The following MATR3 variants were observed in gnomAD, a reference collection of about 807,000 sequenced individuals.
The protein encoded by MATR3 is matrin-3.
A neutral mutation model predicts 85.5 loss-of-function variants in MATR3; 4 were observed. That is an observed-to-expected ratio of 0.05 (90% CI 0.02 to 0.11). The LOEUF (loss-of-function observed/expected upper bound fraction) is 0.11, where lower values mean the gene tolerates loss of function less well. Ranked by LOEUF, MATR3 falls within the 10% of genes least tolerant of loss-of-function variation. The pLI is 1.00. For missense variants in MATR3, 685 were observed against 1,016.1 expected (o/e 0.67, Z 4.43); for synonymous variants, 336 against 343.1 (o/e 0.98, Z 0.23).
At chr5:139,288,010 A>AAACC (rs1753758760) in intron 3 of MATR3, among the ~76,000 whole-genome samples, 1 of 152,170 alleles carries the variant, frequency 6.6e-6, no homozygotes, top group South Asian at 2.1e-4. Context: ...CAGGAGTTCG[A>AAACC]CACCAGCCTA....
At chr5:139,284,566 C>G (rs923408963) in intron 3 of MATR3, among the ~76,000 whole-genome samples, 2 of 151,834 alleles carry the variant, frequency 1.3e-5, no homozygotes, top group African/African-American at 4.8e-5. Flanking sequence ...TGAGATCGTG[C>G]CACTGCACTC....
rs1561933164 is a variant in MATR3 at position 139,307,654 on chromosome 5, C to G, written c.239C>G (p.Ser80Cys). 1.9e-6 allele frequency: 3 copies of G among 1,614,148 alleles called. No individual in the cohort carries two copies. In the South Asian group the frequency reaches 3.3e-5, roughly 18 times the overall value. Residue 80 changes from serine (S) to cysteine (C), a missense_variant, in exon 2 of 15, where the codon TCC (serine) becomes TGC (cysteine). This residue lies in a region of MATR3 where 57 missense variants were observed against 68.6 expected (regional missense o/e 0.83). Transcript: ENST00000394805. This position sits in a 1 kb window ranked among gnomAD's most constrained non-coding sequence, Gnocchi z 4.4. ...GCACTGTCTTCTGCTAGTACTTCTT[C>G]CCATAATTTGCAGTCTATATTTAAC... ...HSALSSASTS[S>C]HNLQSIFNIG...
At chr5:139,303,686 A>G (rs529764022) in intron 1 of MATR3, among the ~76,000 whole-genome samples, 6 of 151,776 alleles carry the variant, frequency 4.0e-5, no homozygotes, top group South Asian at 2.1e-4. Flanking sequence ...AGCCTGGGCA[A>G]TGCACTCCCA....
intron 2 of MATR3, among the ~76,000 whole-genome samples, chr5:139,277,866 G>C (rs1753350872): frequency 6.7e-6 from 1 of 150,106 alleles, no homozygotes; most frequent in Non-Finnish European, 1.5e-5. Context: ...AATCATGCTA[G>C]TTAACACATC....
intron 3 of MATR3, among the ~76,000 whole-genome samples, chr5:139,287,046 G>A (rs983079118): frequency 4.6e-5 from 7 of 152,172 alleles, no homozygotes; most frequent in African/African-American, 1.7e-4. Flanking sequence ...TTAGTTGGCT[G>A]CTGAATATCA....
chr5:139,326,173 T>C lies in MATR3; in HGVS notation c.2382T>C (p.Tyr794=). The change falls in exon 14 of 15, where the codon TAT becomes TAC. Residue 794 remains tyrosine, a synonymous_variant. Transcript: ENST00000394805. ...TGTTTGTATTTCTAGGTATAGACTA[T>C]GTGATACCTAAAACAGGGTTTTACT... The part of the protein sequence containing the change: ...YQPNVPVGID[Y]VIPKTGFYCK... 6.2e-7 allele frequency: 1 copy of C among 1,602,312 alleles called. No individual in the cohort carries two copies. The highest frequency in any genetic ancestry group is 8.5e-7 in the Non-Finnish European group (1 of 1,170,630).
intron 1 of MATR3, chr5:139,276,034 C>T (rs1753264072): frequency 2.2e-6 from 1 of 456,600 alleles, no homozygotes; most frequent in South Asian, 1.5e-5. Flanking sequence ...GTGGCTTAGG[C>T]CTAAGTTACC....
At chr5:139,300,747 A>G (rs967501940) in intron 1 of MATR3, among the ~76,000 whole-genome samples, 3 of 152,140 alleles carry the variant, frequency 2.0e-5, no homozygotes, top group African/African-American at 7.2e-5. Flanking sequence ...GGTTCAAGTG[A>G]TTCTTCTGCC....
rs755999948 is a variant in MATR3 at position 139,308,168 on chromosome 5, G to C, written c.753G>C (p.Glu251Asp). Residue 251 changes from glutamate (E) to aspartate (D), a missense_variant, in exon 2 of 15, where the codon GAG becomes GAC. By Grantham distance (45) the Glu-to-Asp change is conservative. Transcript: ENST00000394805. ...HNYHKFDSEY[E>D]RMGRGPGPLQ... ...ATCATAAATTTGACAGTGAGTATGA[G>C]AGAATGGGACGTGGTCCTGGCCCCT... 6.2e-7 allele frequency: 1 copy of C among 1,614,132 alleles called. No homozygotes were observed. Among genetic ancestry groups the C allele is most frequent in the South Asian group, 1.1e-5 (1 of 91,074 alleles).
chr5:139,279,429 A>C, intron 3 of MATR3: 1 of 253,482 alleles, frequency 3.9e-6, no homozygotes, highest in Non-Finnish European at 7.9e-6. Context: ...AGGTTTCACC[A>C]TATTGGCCAG....
chr5:139,317,551 C>T, intron 6 of MATR3, 45 bp from the exon 7 acceptor site: 1 of 1,605,232 alleles, frequency 6.2e-7, no homozygotes, highest in South Asian at 1.1e-5. Flanking sequence ...TTTCATATTG[C>T]TTTAAAGAGA....
intron 1 of MATR3, 124 bp downstream of exon 1, chr5:139,293,929 C>G (rs932330278): frequency 8.2e-7 from 1 of 1,212,302 alleles, no homozygotes; most frequent in East Asian, 3.2e-5. Context: ...TGCTCGCTCC[C>G]GCTCTGCCTC....
chr5:139,327,570 C>T (rs1269190436), intron 14 of MATR3, among the ~76,000 whole-genome samples: 4 of 151,872 alleles, frequency 2.6e-5, no homozygotes, highest in Non-Finnish European at 5.9e-5. Flanking sequence ...TACAGGCATG[C>T]GCCACCATGC....
chr5:139,307,318 C>A lies in MATR3; in HGVS notation c.-98C>A. Reference sequence around the variant, plus strand: ...TTTCTTGGCGTTACCATTTTTGAAGCAAAGTTAACCTAGCTTTCTAGTTTG... The same window carrying A: ...TTTCTTGGCGTTACCATTTTTGAAGAAAAGTTAACCTAGCTTTCTAGTTTG... On this transcript the variant is annotated 5_prime_UTR_variant, in exon 2 of 15. Transcript: ENST00000394805. This position sits in a 1 kb window ranked among gnomAD's most constrained non-coding sequence, Gnocchi z 4.4. 1.3e-6 allele frequency: 2 copies of A among 1,493,910 alleles called. No individual in the cohort carries two copies. The highest frequency in any genetic ancestry group is 8.8e-7 in the Non-Finnish European group (1 of 1,131,686). The allele number at this position is 1,493,910 out of a possible 1,614,324, so 92.5% of individuals were successfully genotyped here. A position where few individuals can be genotyped will look rare whatever the true frequency, so the allele number is the denominator to read the frequency against.
At chr5:139,294,821 A>G (rs1279629674) in intron 1 of MATR3, 1 of 152,064 alleles carries the variant, frequency 6.6e-6, no homozygotes, top group East Asian at 1.9e-4. Context: ...TTCGGCATTT[A>G]CCGTGGATGA....
chr5:139,308,320 C>G lies in MATR3; in HGVS notation c.905C>G (p.Ser302Cys). Residue 302 changes from serine (S) to cysteine (C), a missense_variant, in exon 2 of 15, where the codon TCT becomes TGT. Physicochemically the swap from Ser to Cys is moderately radical, Grantham distance 112. Around this residue, in one of 9 missense-constraint regions of MATR3, gnomAD observed 223 missense variants for 334.4 expected, o/e 0.67. Transcript: ENST00000394805. ...LCSICDLPVHSNKEWSQHING... is the reference protein window; with the variant it reads ...LCSICDLPVHCNKEWSQHING... Reference sequence around the variant, plus strand: ...TCTATATGTGATTTGCCAGTTCATTCTAATAAGGTGAGTTAACTCAACAGA... The same window carrying G: ...TCTATATGTGATTTGCCAGTTCATTGTAATAAGGTGAGTTAACTCAACAGA... The G allele has an allele frequency of 1.2e-6, 2 of 1,614,108 alleles. No homozygotes were observed. Among genetic ancestry groups the G allele is most frequent in the Admixed American group, 1.7e-5 (1 of 60,020 alleles).
chr5:139,327,864 A>AG (rs1554149885), intron 14 of MATR3, among the ~76,000 whole-genome samples: 1 of 147,972 alleles, frequency 6.8e-6, no homozygotes, highest in Non-Finnish European at 1.5e-5. Flanking sequence ...TATTTTATTT[A>AG]TTTTTTTTTT....
intron 1 of MATR3, among the ~76,000 whole-genome samples, chr5:139,301,384 A>G (rs983437282): frequency 2.6e-5 from 4 of 151,560 alleles, no homozygotes; most frequent in East Asian, 3.9e-4. Flanking sequence ...CAGTGGCACA[A>G]TCTTGGCTCA....
intron 2 of MATR3, chr5:139,312,094 C>T (rs180802988): frequency 6.6e-6 from 1 of 152,140 alleles, no homozygotes; most frequent in East Asian, 1.9e-4. Context: ...TGTGAACTTA[C>T]CTGTGGCTCC....
Sources: allele counts gnomAD v4.1 joint callset (sites outside exome capture counted in the v4.1 genomes callset), GRCh38; gene constraint gnomAD v4.1.1; regional missense constraint gnomAD v4.1.1; non-coding constraint Gnocchi (gnomAD v3.1); transcripts MANE v1.5; gene names NCBI Gene and HGNC (gene_info 2026-07-23, HGNC 2026-07-21).